DMD: variants seen among roughly 807,000 people sequenced by gnomAD.
DMD encodes mutant dystrophin.
DMD carries 63 observed loss-of-function variants against 330.1 expected under a neutral mutation model. The observed-to-expected ratio is 0.19, with a 90% CI of 0.16 to 0.24. DMD has a LOEUF of 0.24. DMD is among the 10% of genes least tolerant of loss of function. DMD has a pLI of 1.00. For missense variants in DMD, 3,344 were observed against 2,684.1 expected (o/e 1.25, Z -5.43); for synonymous variants, 1,223 against 959.8 (o/e 1.27, Z -5.07).
chrX:31,831,741 GAT>G (rs1244493614), intron 49 of DMD, among the ~76,000 whole-genome samples: 9 of 110,689 alleles, frequency 8.1e-5, no homozygotes, highest in Non-Finnish European at 1.7e-4. Flanking sequence ...TGGGACTACA[GAT>G]GCCTGCCACC....
intron 1 of DMD, among the ~76,000 whole-genome samples, chrX:33,095,024 A>G (rs761323453): frequency 3.5e-4 from 39 of 111,992 alleles, no homozygotes; most frequent in Non-Finnish European, 7.1e-4. Flanking sequence ...CTACATTTTT[A>G]ATACAAAGTA....
At chrX:33,031,547 C>T (rs895722803) in intron 1 of DMD, among the ~76,000 whole-genome samples, 14 of 110,622 alleles carry the variant, frequency 1.3e-4, no homozygotes, top group East Asian at 2.8e-4. Context: ...CCCAGGTGGA[C>T]GCAGCATGAG....
At chrX:32,304,583 A>G (rs2097534108) in intron 42 of DMD, among the ~76,000 whole-genome samples, 1 of 111,499 alleles carries the variant, frequency 9.0e-6, no homozygotes, top group Non-Finnish European at 1.9e-5. Context: ...ATCTTTTCAT[A>G]TAATACAAAT....
chrX:32,717,605 A>G (rs2065864423), intron 7 of DMD, among the ~76,000 whole-genome samples: 1 of 111,859 alleles, frequency 8.9e-6, no homozygotes, highest in Non-Finnish European at 1.9e-5. Context: ...GCTCTCACAC[A>G]GAGTCCCCAC....
intron 43 of DMD, among the ~76,000 whole-genome samples, chrX:32,260,092 T>C (rs1307021873): frequency 9.0e-6 from 1 of 111,547 alleles, no homozygotes; most frequent in African/African-American, 3.3e-5. Flanking sequence ...ATGTTTCTCA[T>C]GTTCCCTTGA....
At chrX:32,831,762 G>C (rs867504580) in intron 4 of DMD, among the ~76,000 whole-genome samples, 4 of 108,796 alleles carry the variant, frequency 3.7e-5, no homozygotes, top group South Asian at 4.1e-4. Context: ...AAGCTTTAAT[G>C]AATTTTTTCA....
At chrX:32,797,748 T>A (rs1359666011) in intron 7 of DMD, among the ~76,000 whole-genome samples, 1 of 111,422 alleles carries the variant, frequency 9.0e-6, no homozygotes, top group Non-Finnish European at 1.9e-5. Flanking sequence ...GTCTTGTCAA[T>A]CATTCAAAAA....
intron 12 of DMD, among the ~76,000 whole-genome samples, chrX:32,609,584 G>A (rs1008258656): frequency 1.7e-4 from 19 of 111,103 alleles, no homozygotes; most frequent in African/African-American, 5.9e-4. Flanking sequence ...TCCTTTGGCA[G>A]AATTATACCT....
At chrX:31,159,245 A>G (rs757701934) in intron 74 of DMD, among the ~76,000 whole-genome samples, 13 of 111,701 alleles carry the variant, frequency 1.2e-4, no homozygotes, top group Non-Finnish European at 2.3e-4. Flanking sequence ...CTCGAAGGCA[A>G]AAAGACTGGG....
chrX:31,659,649 A>G (rs1039690228), intron 53 of DMD, among the ~76,000 whole-genome samples: 2 of 81,282 alleles, frequency 2.5e-5, no homozygotes, highest in African/African-American at 9.7e-5. Context: ...GAAAAAAAAA[A>G]AAAAAAAAAA....
chrX:31,220,705 A>G (rs189648459), intron 64 of DMD, among the ~76,000 whole-genome samples: 28 of 110,305 alleles, frequency 2.5e-4, no homozygotes, highest in Admixed American at 2.2e-3. Context: ...CCTGAGCACC[A>G]CAGCTCCGTG....
At chrX:31,935,242 C>A (rs1359645845) in intron 45 of DMD, among the ~76,000 whole-genome samples, 2 of 112,037 alleles carry the variant, frequency 1.8e-5, no homozygotes, top group Non-Finnish European at 3.8e-5. Context: ...TTACCACAAA[C>A]TGCACTCCCC....
chrX:31,994,524 C>A (rs1033069447), intron 44 of DMD, among the ~76,000 whole-genome samples: 1 of 111,452 alleles, frequency 9.0e-6, no homozygotes, highest in African/African-American at 3.3e-5. Flanking sequence ...AAACTAATAA[C>A]CCTACGTATC....
At chrX:32,299,326 C>T (rs753610201) in intron 42 of DMD, among the ~76,000 whole-genome samples, 2 of 110,685 alleles carry the variant, frequency 1.8e-5, no homozygotes, top group Non-Finnish European at 3.8e-5. Context: ...GCTTTTTGGA[C>T]ACTTTCAAGC....
intron 44 of DMD, among the ~76,000 whole-genome samples, chrX:32,031,883 T>C (rs1319468766): frequency 1.8e-5 from 2 of 112,093 alleles, no homozygotes; most frequent in Non-Finnish European, 3.8e-5. Flanking sequence ...TCAGCTAGCA[T>C]TCATTCACTA....
intron 48 of DMD, among the ~76,000 whole-genome samples, chrX:31,849,707 A>G (rs2093487952): frequency 1.8e-5 from 2 of 110,557 alleles, no homozygotes; most frequent in South Asian, 7.7e-4. Flanking sequence ...GATCTTCTAA[A>G]TATATATGAA....
At chrX:32,749,151 C>G (rs2070466512) in intron 7 of DMD, among the ~76,000 whole-genome samples, 1 of 112,081 alleles carries the variant, frequency 8.9e-6, no homozygotes, top group Admixed American at 9.5e-5. Context: ...AAGCCAAAAT[C>G]TAAGGTGTGA....
chrX:31,359,265 C>A (rs992004263), intron 60 of DMD, among the ~76,000 whole-genome samples: 1 of 111,782 alleles, frequency 8.9e-6, no homozygotes, highest in African/African-American at 3.2e-5. Context: ...GAGAACTTTT[C>A]AAAAAAATAC....
chrX:32,273,281 TAAA>T (rs1569555354), intron 43 of DMD, among the ~76,000 whole-genome samples: 11 of 107,150 alleles, frequency 1.0e-4, no homozygotes, highest in African/African-American at 1.4e-4. Context: ...GCTCCTTAAA[TAAA>T]ACAAAACAAA....
Sources: allele counts gnomAD v4.1 joint callset (sites outside exome capture counted in the v4.1 genomes callset), GRCh38; gene constraint gnomAD v4.1.1; transcripts MANE v1.5; gene names NCBI Gene and HGNC (gene_info 2026-07-23, HGNC 2026-07-21).